Variants in AFF3 observed in about 807,000 individuals in gnomAD.
AFF3 encodes the protein AF4/FMR2 family member 3.
AFF3 carries 32 observed loss-of-function variants against 129.7 expected under a neutral mutation model. The ratio of observed to expected loss-of-function variants is 0.25; its 90% CI spans 0.19 to 0.33. The LOEUF is 0.33. AFF3 is among the 10% of genes least tolerant of loss of function. The probability of loss-of-function intolerance (pLI) is 1.00; values close to 1 mark genes in which losing one functional copy is unlikely to be tolerated. For synonymous variants in AFF3, 644 were observed against 635.4 expected (o/e 1.01, Z -0.20); for missense variants, 1,373 against 1,592.0 (o/e 0.86, Z 2.34).
In AFF3 at chr2:100,111,880, T is replaced by C. The variant is rs150502948; in HGVS notation, c.-144-6297A>G. On this transcript the variant is annotated intron_variant, in intron 2 of 24. Transcript: ENST00000672756. ...GCAGCAGTTCCCTCCATATCAACCC[T>C]GCTATGGGCAGTCTCCACATGAATG... is the stretch of plus-strand genomic sequence containing the variant. Among the ~76,000 whole-genome samples the C allele has an allele frequency of 9.3e-3, 1,419 of 152,344 alleles. 25 individuals are homozygous for C. The highest frequency in any genetic ancestry group is 0.032 in the African/African-American group (1,339 of 41,580).
At chr2:99,658,108 T>C (rs1227282118) in intron 12 of AFF3, among the ~76,000 whole-genome samples, 1 of 152,208 alleles carries the variant, frequency 6.6e-6, no homozygotes, top group Non-Finnish European at 1.5e-5. Flanking sequence ...CGAAGGCAGA[T>C]GCTATCAGTC....
chr2:99,675,640 G>T (rs1243384635), intron 11 of AFF3, among the ~76,000 whole-genome samples: 1 of 152,214 alleles, frequency 6.6e-6, no homozygotes, highest in Non-Finnish European at 1.5e-5. Context: ...CTCTTAGAGA[G>T]CCTAAGGAGG....
At chr2:99,810,912 C>T (rs1179846920) in intron 8 of AFF3, among the ~76,000 whole-genome samples, 2 of 152,174 alleles carry the variant, frequency 1.3e-5, no homozygotes, top group African/African-American at 4.8e-5. Flanking sequence ...ACAAGTCTTT[C>T]TGATGCTCTC....
chr2:99,798,894 A>G lies in AFF3; in HGVS notation c.921+38583T>C, dbSNP rs1262030976. Among the ~76,000 whole-genome samples, 4 of 152,048 alleles carry G rather than the reference A, an allele frequency of 2.6e-5. No individual in the cohort carries two copies. In the East Asian group the frequency reaches 7.7e-4, roughly 29 times the overall value. The stretch of plus-strand genomic sequence containing the variant: ...CTAGTAATTGATAGAATACATAGGA[A>G]GAAAATTAGTCAGACTTTTCTGACT... On this transcript the variant is annotated intron_variant, in intron 8 of 24. Transcript: ENST00000672756.
At chr2:99,636,043 T>C (rs539906433) in intron 13 of AFF3, among the ~76,000 whole-genome samples, 7 of 152,348 alleles carry the variant, frequency 4.6e-5, no homozygotes, top group African/African-American at 1.4e-4. Flanking sequence ...TTAAATAGTT[T>C]AGTGGCTGGG....
intron 11 of AFF3, among the ~76,000 whole-genome samples, chr2:99,716,891 A>AAAT (rs1553438363): frequency 9.2e-5 from 8 of 87,336 alleles, no homozygotes; most frequent in African/African-American, 3.1e-4. Flanking sequence ...TCAAAAAAAA[A>AAAT]ATATATATAT....
At chr2:99,615,058 A>G (rs1365452325) in intron 13 of AFF3, among the ~76,000 whole-genome samples, 1 of 152,260 alleles carries the variant, frequency 6.6e-6, no homozygotes, top group African/African-American at 2.4e-5. Flanking sequence ...ATCAGAGAAC[A>G]GTTTCTATAC....
At chr2:99,827,608 A>G (rs1688188551) in intron 8 of AFF3, among the ~76,000 whole-genome samples, 1 of 151,966 alleles carries the variant, frequency 6.6e-6, no homozygotes, top group Non-Finnish European at 1.5e-5. Flanking sequence ...CTAGTTAGGA[A>G]GGAAGAAAGA....
At chr2:100,121,183 G>C (rs1321224419) in intron 2 of AFF3, among the ~76,000 whole-genome samples, 1 of 152,148 alleles carries the variant, frequency 6.6e-6, no homozygotes. Context: ...CTGCTTGAAT[G>C]TTGCCTTTTC....
chr2:99,738,667 G>C (rs1019371088), intron 10 of AFF3, among the ~76,000 whole-genome samples: 14 of 152,202 alleles, frequency 9.2e-5, no homozygotes, highest in Middle Eastern at 3.4e-3. Context: ...TCCTGTATCA[G>C]TATTCCGATC....
chr2:99,839,813 T>G (rs566419056), intron 7 of AFF3, among the ~76,000 whole-genome samples: 1 of 152,132 alleles, frequency 6.6e-6, no homozygotes, highest in Admixed American at 6.5e-5. Context: ...GGTTTCACTA[T>G]GTTAGCCAGG....
rs140815200 is a variant in AFF3, at chr2:99,658,490, G to C, written c.1144-8824C>G. Among the ~76,000 whole-genome samples the C allele has an allele frequency of 1.7e-3, 263 of 152,248 alleles. 2 individuals are homozygous for C. The highest frequency in any genetic ancestry group is 6.1e-3 in the African/African-American group (252 of 41,538). On this transcript the variant is annotated intron_variant, in intron 12 of 24. Transcript: ENST00000672756. ...CTCCTGAGTAGCTGGGATTACAGGTGCCTGTTACCACGCCTGGCTAATTTT... is the reference window on the plus strand; with the variant it reads ...CTCCTGAGTAGCTGGGATTACAGGTCCCTGTTACCACGCCTGGCTAATTTT...
At chr2:99,724,713 A>C (rs890764598) in intron 11 of AFF3, among the ~76,000 whole-genome samples, 2 of 151,882 alleles carry the variant, frequency 1.3e-5, no homozygotes, top group Non-Finnish European at 2.9e-5. Context: ...CCTGAATCTC[A>C]CTCTTTATCC....
intron 4 of AFF3, chr2:100,011,644 A>C: frequency 1.3e-6 from 1 of 771,278 alleles, no homozygotes; most frequent in South Asian, 1.3e-5. Context: ...CTTAGCGTGC[A>C]TGAGTCTGTC....
At chr2:99,734,690 T>A (rs1364647958) in intron 10 of AFF3, among the ~76,000 whole-genome samples, 3 of 152,080 alleles carry the variant, frequency 2.0e-5, no homozygotes, top group Non-Finnish European at 4.4e-5. Context: ...AAGGATCCAA[T>A]TTTGAATTCC....
At chr2:99,808,775 G>C (rs1686556297) in intron 8 of AFF3, among the ~76,000 whole-genome samples, 1 of 152,176 alleles carries the variant, frequency 6.6e-6, no homozygotes, top group South Asian at 2.1e-4. Context: ...TTTTCACATA[G>C]AGAAGCAGCC....
intron 7 of AFF3, among the ~76,000 whole-genome samples, chr2:99,979,933 C>T (rs941219886): frequency 9.9e-5 from 15 of 152,152 alleles, no homozygotes; most frequent in South Asian, 2.1e-4. Context: ...AATGTAGATA[C>T]GCAAACATGG....
At chr2:99,634,879 A>G (rs1002808226) in intron 13 of AFF3, among the ~76,000 whole-genome samples, 1 of 151,180 alleles carries the variant, frequency 6.6e-6, no homozygotes, top group Non-Finnish European at 1.5e-5. Flanking sequence ...CCATCTGGGC[A>G]GGAGAACAGA....
At chr2:99,977,485 A>G (rs1384099821) in intron 7 of AFF3, among the ~76,000 whole-genome samples, 1 of 152,248 alleles carries the variant, frequency 6.6e-6, no homozygotes, top group Non-Finnish European at 1.5e-5. Flanking sequence ...CTGTGGTAGT[A>G]GAAATTGTGT....
Sources: gnomAD v4.1 joint callset for allele counts (sites outside exome capture counted in the v4.1 genomes callset) on GRCh38, gnomAD v4.1.1 for gene constraint, MANE v1.5 for transcripts, NCBI Gene and HGNC (gene_info 2026-07-23, HGNC 2026-07-21) for gene names.